The following RBFOX1 variants were observed in gnomAD, a reference collection of about 807,000 sequenced individuals.
The protein encoded by RBFOX1 is RNA binding fox-1 homolog 1.
A neutral mutation model predicts 57.7 loss-of-function variants in RBFOX1; 8 were observed. The observed-to-expected ratio is 0.14, with a 90% CI of 0.08 to 0.25. The LOEUF is 0.25. Among genes scored for constraint, RBFOX1 ranks in the 10% least tolerant of loss-of-function variants. The pLI, the probability that RBFOX1 is intolerant of heterozygous loss-of-function variation, is 1.00. For missense variants in RBFOX1, 611 were observed against 548.5 expected, an observed-to-expected ratio of 1.11 and a Z score of -1.14; for synonymous variants, 326 against 222.4, an observed-to-expected ratio of 1.47 and a Z score of -4.15.
At chr16:5,732,215 A>G (rs1029661234) in intron 3 of RBFOX1, among the ~76,000 whole-genome samples, 2 of 152,196 alleles carry the variant, frequency 1.3e-5, no homozygotes, top group Non-Finnish European at 2.9e-5. Context: ...GCATCTATGA[A>G]ATAGGGAATT....
rs1426550969 is a variant in RBFOX1, at chr16:6,636,503, C to T, written c.-63-18100C>T. Among the ~76,000 whole-genome samples the T allele has an allele frequency of 3.3e-5, 5 of 151,906 alleles. No homozygotes were observed. The East Asian group carries it at 9.7e-4, about 29-fold the overall frequency. ...GATTTTTAGATTGGGAGTGCTCAAC[C>T]TTTAATAACAATATTAAAAAATTAT... On this transcript the variant is annotated intron_variant, in intron 2 of 15. Coordinates refer to ENST00000550418, the MANE Select transcript of RBFOX1 (RefSeq NM_018723.4).
chr16:6,361,817 C>A (rs933272921), intron 2 of RBFOX1, among the ~76,000 whole-genome samples: 1 of 152,118 alleles, frequency 6.6e-6, no homozygotes, highest in African/African-American at 2.4e-5. Context: ...AAATTGAGAA[C>A]CACTGGGCTG....
chr16:7,219,032 G>C lies in RBFOX1; in HGVS notation c.27+166934G>C, dbSNP rs191892308. The stretch of plus-strand genomic sequence containing the variant: ...AGAGAAGAAGAGGTGAGAAGGGCTC[G>C]GAGCCAGACAAAGCACGCCTTTGTA... On this transcript the variant is annotated intron_variant, in intron 4 of 15. Transcript: ENST00000550418. Among the ~76,000 whole-genome samples the C allele has an allele frequency of 4.9e-3, 747 of 152,206 alleles. 5 individuals carry two copies. The highest frequency in any genetic ancestry group is 0.016 in the African/African-American group (683 of 41,512).
chr16:6,731,519 T>G (rs934762286), intron 3 of RBFOX1, among the ~76,000 whole-genome samples: 7 of 152,150 alleles, frequency 4.6e-5, no homozygotes, highest in Non-Finnish European at 1.0e-4. Flanking sequence ...TGAGAGTATT[T>G]CTCAGGATTA....
chr16:6,831,936 G>A (rs781610247), intron 3 of RBFOX1, among the ~76,000 whole-genome samples: 1 of 152,152 alleles, frequency 6.6e-6, no homozygotes, highest in Non-Finnish European at 1.5e-5. Context: ...CTCTAAAGGG[G>A]TGGAATAAAA....
intron 3 of RBFOX1, among the ~76,000 whole-genome samples, chr16:5,830,739 C>A (rs1407048231): frequency 6.6e-6 from 1 of 152,232 alleles, no homozygotes; most frequent in South Asian, 2.1e-4. Context: ...GCCACCATTG[C>A]AGTGTGCCTG....
intron 4 of RBFOX1, among the ~76,000 whole-genome samples, chr16:7,512,525 G>A (rs1473638933): frequency 1.3e-5 from 2 of 152,212 alleles, no homozygotes; most frequent in South Asian, 4.1e-4. Context: ...ATAAGTAACT[G>A]TAGGGGGTCC....
At chr16:6,277,458 C>CAAAAAAAAAAAA (rs59733415) in intron 1 of RBFOX1, among the ~76,000 whole-genome samples, 1 of 80,826 alleles carries the variant, frequency 1.2e-5, no homozygotes, top group African/African-American at 4.8e-5. Flanking sequence ...GTCTGTCTCC[C>CAAAAAAAAAAAA]AAAAAAAAAA....
intron 3 of RBFOX1, among the ~76,000 whole-genome samples, chr16:5,612,152 T>A (rs1048602326): frequency 2.6e-5 from 4 of 151,088 alleles, no homozygotes; most frequent in African/African-American, 9.7e-5. Flanking sequence ...TCCATACGTC[T>A]ACTCTCCCAC....
At chr16:7,054,230 G>A (rs1206423398) in intron 4 of RBFOX1, among the ~76,000 whole-genome samples, 20 of 55,048 alleles carry the variant, frequency 3.6e-4, no homozygotes, top group African/African-American at 1.3e-3. Flanking sequence ...GGGGGGCGGG[G>A]AGCTTTTTTT....
At chr16:5,376,920 G>A (rs955930208) in intron 1 of RBFOX1, among the ~76,000 whole-genome samples, 1 of 95,732 alleles carries the variant, frequency 1.0e-5, no homozygotes, top group Non-Finnish European at 2.3e-5. Flanking sequence ...TGCGTTGGCA[G>A]TCTCTTCATA....
At chr16:5,604,965 G>A (rs2047515258), downstream of RBFOX1, among the ~76,000 whole-genome samples, 2 of 152,174 alleles carry the variant, frequency 1.3e-5, no homozygotes, top group African/African-American at 4.8e-5. Flanking sequence ...TAGCAAAAGT[G>A]ATCTGTGTTG....
At chr16:6,867,295 C>T (rs1020569910) in intron 3 of RBFOX1, among the ~76,000 whole-genome samples, 12 of 152,070 alleles carry the variant, frequency 7.9e-5, no homozygotes, top group Non-Finnish European at 1.5e-4. Context: ...GAGATCCATC[C>T]ATATTCTGGA....
chr16:7,489,514 TA>T (rs200378273), intron 4 of RBFOX1, among the ~76,000 whole-genome samples: 36 of 110,880 alleles, frequency 3.2e-4, no homozygotes, highest in African/African-American at 8.8e-4. Context: ...TTATTATTAT[TA>T]TTTTTTTTTT....
At chr16:7,156,432 C>T (rs991117997) in intron 4 of RBFOX1, among the ~76,000 whole-genome samples, 2 of 151,824 alleles carry the variant, frequency 1.3e-5, no homozygotes, top group African/African-American at 2.4e-5. Flanking sequence ...TGTACATACA[C>T]ATGTAGATAT....
At chr16:5,803,166 C>A (rs1326745357) in intron 3 of RBFOX1, among the ~76,000 whole-genome samples, 1 of 152,174 alleles carries the variant, frequency 6.6e-6, no homozygotes, top group Non-Finnish European at 1.5e-5. Flanking sequence ...CAAGAAACAA[C>A]AGCAAAATAA....
intron 3 of RBFOX1, among the ~76,000 whole-genome samples, chr16:6,867,499 A>G (rs2060145642): frequency 6.6e-6 from 1 of 152,114 alleles, no homozygotes; most frequent in Non-Finnish European, 1.5e-5. Context: ...CAGGCGGATC[A>G]CTTGAGGTCA....
At chr16:6,757,011 C>G (rs202106766) in intron 3 of RBFOX1, among the ~76,000 whole-genome samples, 2 of 121,812 alleles carry the variant, frequency 1.6e-5, no homozygotes, top group Non-Finnish European at 3.5e-5. Context: ...AACAAACAAA[C>G]AAAAAACATA....
At chr16:6,225,064 T>C (rs947745875) in intron 1 of RBFOX1, among the ~76,000 whole-genome samples, 8 of 146,366 alleles carry the variant, frequency 5.5e-5, no homozygotes, top group African/African-American at 2.0e-4. Flanking sequence ...TCCAGGAATT[T>C]GGGGCTGTCC....
Sources: gnomAD v4.1 joint callset for allele counts (sites outside exome capture counted in the v4.1 genomes callset) on GRCh38, gnomAD v4.1.1 for gene constraint, MANE v1.5 for transcripts, NCBI Gene and HGNC (gene_info 2026-07-23, HGNC 2026-07-21) for gene names.